CLPB: variants seen among roughly 807,000 people sequenced by gnomAD.
CLPB encodes ClpB family mitochondrial disaggregase, also known as mitochondrial disaggregase.
Under a neutral mutation model 78.4 loss-of-function variants are expected in CLPB, and 40 were observed. That is an observed-to-expected ratio of 0.51 (90% CI 0.40 to 0.66). CLPB has a LOEUF of 0.66. Among genes scored for constraint, CLPB ranks in the 30% least tolerant of loss-of-function variants. The pLI, the probability that CLPB is intolerant of heterozygous loss-of-function variation, is 0.00. For synonymous variants in CLPB, 333 were observed against 348.0 expected (o/e 0.96, Z 0.48); for missense variants, 780 against 886.9 (o/e 0.88, Z 1.53).
chr11:72,335,374 TCTA>T, intron 5 of CLPB, among the ~76,000 whole-genome samples: 2 of 152,320 alleles, frequency 1.3e-5, no homozygotes, highest in South Asian at 4.1e-4. Flanking sequence ...GATACTCCCT[TCTA>T]CTACATCTCA....
At chr11:72,385,530 A>AT (rs1229054143) in intron 3 of CLPB, among the ~76,000 whole-genome samples, 2 of 152,186 alleles carry the variant, frequency 1.3e-5, no homozygotes, top group African/African-American at 2.4e-5. Context: ...TGTCTATTAC[A>AT]TTGTTTTACT....
intron 4 of CLPB, among the ~76,000 whole-genome samples, chr11:72,367,479 G>A (rs910485856): frequency 6.6e-6 from 1 of 152,124 alleles, no homozygotes; most frequent in African/African-American, 2.4e-5. Flanking sequence ...CTCCCAAAGT[G>A]CTGGGATTAC....
At chr11:72,361,313 A>G (rs765145304) in intron 4 of CLPB, among the ~76,000 whole-genome samples, 1 of 152,138 alleles carries the variant, frequency 6.6e-6, no homozygotes, top group Non-Finnish European at 1.5e-5. Context: ...CCTTTCCTGG[A>G]GCAGGAAGAA....
At chr11:72,306,051 T>C (rs1440917286) in intron 9 of CLPB, among the ~76,000 whole-genome samples, 2 of 152,260 alleles carry the variant, frequency 1.3e-5, no homozygotes, top group South Asian at 2.1e-4. Flanking sequence ...ACCTGATGAA[T>C]TGACTTAAAA....
At chr11:72,426,543 AAGGG>A (rs916392785) in intron 2 of CLPB, among the ~76,000 whole-genome samples, 5 of 142,224 alleles carry the variant, frequency 3.5e-5, no homozygotes, top group African/African-American at 1.3e-4. Context: ...GTCACACAGG[AAGGG>A]AGGGAGGGAG....
At chr11:72,419,280 C>T (rs1270026637) in intron 2 of CLPB, among the ~76,000 whole-genome samples, 1 of 152,130 alleles carries the variant, frequency 6.6e-6, no homozygotes. Flanking sequence ...AGCACTTGGG[C>T]GACATAAATG....
intron 6 of CLPB, among the ~76,000 whole-genome samples, chr11:72,321,532 G>T (rs960357825): frequency 7.2e-5 from 11 of 152,236 alleles, no homozygotes; most frequent in African/African-American, 2.7e-4. Context: ...GCGAAGCCTA[G>T]CTGGGCTCGC....
At chr11:72,317,527 T>A (rs1949969944) in intron 6 of CLPB, among the ~76,000 whole-genome samples, 1 of 152,224 alleles carries the variant, frequency 6.6e-6, no homozygotes, top group East Asian at 1.9e-4. Flanking sequence ...GCTTATCACC[T>A]GGAGCAAGTT....
chr11:72,308,568 T>G lies in CLPB; in HGVS notation c.1025A>C (p.Glu342Ala). Residue 342 changes from glutamate (E) to alanine (A), a missense_variant, in exon 8 of 16, where the codon GAA (glutamate) becomes GCA (alanine). Transcript: ENST00000538039. Reference sequence around the variant, plus strand: ...CAAGAAGAGGAAGACCAGAGGGTGTTCTTCATCGTACCAGCCATTCTCCTT... The same window carrying G: ...CAAGAAGAGGAAGACCAGAGGGTGTGCTTCATCGTACCAGCCATTCTCCTT... ...RRKENGWYDE[E>A]HPLVFLFLGS... 6.2e-7 allele frequency: 1 copy of G among 1,614,170 alleles called. No homozygotes were observed. Among genetic ancestry groups the G allele is most frequent in the Non-Finnish European group, 8.5e-7 (1 of 1,180,016 alleles).
At chr11:72,421,932 G>A (rs1856211589) in intron 2 of CLPB, among the ~76,000 whole-genome samples, 2 of 152,192 alleles carry the variant, frequency 1.3e-5, no homozygotes, top group Non-Finnish European at 2.9e-5. Context: ...GGGTTTCAGT[G>A]TGTGATCTGG....
At chr11:72,369,595 C>T (rs1218413676) in intron 4 of CLPB, among the ~76,000 whole-genome samples, 3 of 152,166 alleles carry the variant, frequency 2.0e-5, no homozygotes, top group Non-Finnish European at 4.4e-5. Context: ...TCTCCTCTGC[C>T]TTTTCTTCAA....
chr11:72,297,887 G>A (rs1949585400), intron 11 of CLPB, among the ~76,000 whole-genome samples: 2 of 152,114 alleles, frequency 1.3e-5, no homozygotes, highest in Non-Finnish European at 1.5e-5. Flanking sequence ...GGTGGGTGAG[G>A]GGAGCAGGTG....
intron 13 of CLPB, 27 bp downstream of exon 13, chr11:72,294,593 C>A (rs374397245): frequency 8.9e-5 from 143 of 1,611,614 alleles, no homozygotes; most frequent in Middle Eastern, 8.2e-4. Context: ...TAGGCTCCAG[C>A]AGGAAGTGCC....
In CLPB at chr11:72,398,509, T is replaced by C. The variant is rs1018576617; in HGVS notation, c.542+4457A>G. Among the ~76,000 whole-genome samples the C allele has an allele frequency of 3.1e-4, 47 of 152,136 alleles. 1 individual carries two copies. Among genetic ancestry groups the C allele is most frequent in the Admixed American group, 3.3e-4 (5 of 15,270 alleles). ...TCACCGAGAGGTTGTAACATCAAAG[T>C]GCCTTCCACCGTCTGTCCGTGTTTG... On this transcript the variant is annotated intron_variant, in intron 3 of 15. Coordinates refer to ENST00000538039, the MANE Select transcript of CLPB (RefSeq NM_001258392.3).
intron 3 of CLPB, among the ~76,000 whole-genome samples, chr11:72,392,647 C>T (rs777541654): frequency 5.9e-5 from 9 of 152,084 alleles, no homozygotes; most frequent in Non-Finnish European, 1.5e-5. Flanking sequence ...ATAAAGCAGC[C>T]GCAGTGTGTT....
chr11:72,434,047 C>T lies in CLPB; in HGVS notation c.403+25G>A, dbSNP rs749574563. 3.7e-6 allele frequency: 6 copies of T among 1,603,664 alleles called. No homozygotes were observed. The African/African-American group carries it at 8.0e-5, about 21-fold the overall frequency. On this transcript the variant is annotated intron_variant, in intron 1 of 15. Transcript: ENST00000538039. ...AGGACAATCTTCCCGCCTCTCCCTT[C>T]CTCAAACCCAGATCTCATAATCACC...
intron 6 of CLPB, among the ~76,000 whole-genome samples, chr11:72,320,334 T>G (rs1024201777): frequency 2.0e-5 from 3 of 152,178 alleles, no homozygotes; most frequent in African/African-American, 7.2e-5. Context: ...AGTGTCATGG[T>G]TTTAGGTTGT....
intron 3 of CLPB, among the ~76,000 whole-genome samples, chr11:72,394,407 A>G (rs368149499): frequency 6.6e-6 from 1 of 152,008 alleles, no homozygotes; most frequent in East Asian, 1.9e-4. Flanking sequence ...ATGCTCTCCT[A>G]TCCCCAACTG....
At chr11:72,295,404 T>C in intron 12 of CLPB, 88 bp downstream of exon 12, 1 of 1,463,098 alleles carries the variant, frequency 6.8e-7, no homozygotes, top group South Asian at 1.3e-5. Flanking sequence ...AACCTTCACC[T>C]GGGCCCAGGG....
Sources: allele counts gnomAD v4.1 joint callset (sites outside exome capture counted in the v4.1 genomes callset), GRCh38; gene constraint gnomAD v4.1.1; transcripts MANE v1.5; gene names NCBI Gene and HGNC (gene_info 2026-07-23, HGNC 2026-07-21).